DOP1B: variants seen among roughly 807,000 people sequenced by gnomAD.
The protein encoded by DOP1B is protein DOP1B.
In DOP1B, 174 loss-of-function variants were observed where a neutral mutation model predicts 233.5. The ratio of observed to expected loss-of-function variants is 0.75; its 90% CI spans 0.66 to 0.85. The LOEUF (loss-of-function observed/expected upper bound fraction) is 0.85. DOP1B is among the 40% of genes least tolerant of loss of function. The pLI is 0.00. For synonymous variants in DOP1B, 1,190 were observed against 1,185.6 expected, an observed-to-expected ratio of 1.00 and a Z score of -0.08; for missense variants, 2,652 against 2,846.6, an observed-to-expected ratio of 0.93 and a Z score of 1.56.
intron 2 of DOP1B, among the ~76,000 whole-genome samples, chr21:36,176,103 T>TGTGTGTGTGTGTGTGC (rs1555886166): frequency 1.2e-4 from 17 of 142,038 alleles, no homozygotes; most frequent in South Asian, 2.2e-4. Context: ...TGTGCGTGTG[T>TGTGTGTGTGTGTGTGC]GTGTGTGTGT....
At chr21:36,206,074 G>A (rs1051988250) in intron 4 of DOP1B, among the ~76,000 whole-genome samples, 5 of 151,750 alleles carry the variant, frequency 3.3e-5, no homozygotes, top group Non-Finnish European at 7.4e-5. Context: ...TTTAACAACC[G>A]AGATGATCAT....
chr21:36,278,210 G>A lies in DOP1B; in HGVS notation c.5824G>A (p.Ala1942Thr). 1 of 1,613,988 alleles carries A rather than the reference G, an allele frequency of 6.2e-7. No individual in the cohort carries two copies. The highest frequency in any genetic ancestry group is 1.1e-5 in the South Asian group (1 of 91,042). The stretch of plus-strand genomic sequence containing the variant: ...TTCTCTCTTCCCACTCCCACTCAGT[G>A]CCTACAATGCTCCCAGCTTCCGGGC... ...YVFPYLRNHS[A>T]YNAPSFRAGA... Residue 1942 changes from alanine to threonine, a missense_variant and splice_region_variant, in exon 30 of 37, where the codon GCC becomes ACC. Physicochemically the swap from Ala to Thr is moderately conservative, Grantham distance 58. Around this residue, in one of 3 missense-constraint regions of DOP1B, gnomAD observed 2,617 missense variants for 2,794.3 expected, o/e 0.94. Coordinates refer to ENST00000691173, the MANE Select transcript of DOP1B (RefSeq NM_001320714.2).
chr21:36,260,622 C>T, intron 23 of DOP1B, 55 bp from the exon 24 acceptor site: 2 of 1,608,864 alleles, frequency 1.2e-6, no homozygotes, highest in Admixed American at 3.4e-5. Flanking sequence ...TATCTGAATT[C>T]TTTTAGCCTT....
chr21:36,269,546 A>T (rs982720690), intron 26 of DOP1B, among the ~76,000 whole-genome samples: 8 of 151,974 alleles, frequency 5.3e-5, no homozygotes, highest in African/African-American at 1.9e-4. Context: ...TTTGAAACGA[A>T]GTCTCACTCT....
At chr21:36,211,896 A>T in intron 6 of DOP1B, 78 bp from the exon 7 acceptor site, 1 of 1,594,576 alleles carries the variant, frequency 6.3e-7, no homozygotes, top group Non-Finnish European at 8.6e-7. Context: ...GCAGACCAGC[A>T]AGGAAGGGCT....
At chr21:36,192,846 C>A (rs1030651997) in intron 2 of DOP1B, among the ~76,000 whole-genome samples, 1 of 146,610 alleles carries the variant, frequency 6.8e-6, no homozygotes, top group Non-Finnish European at 1.5e-5. Context: ...CGCCACCACG[C>A]CCGGCTAATT....
At chr21:36,169,780 C>T in intron 2 of DOP1B, 2 of 1,262,516 alleles carry the variant, frequency 1.6e-6, no homozygotes, top group Non-Finnish European at 2.3e-6. Context: ...CCATTTCTTG[C>T]AGTACTTGGT....
At chr21:36,278,892 G>T (rs2067384091) in intron 30 of DOP1B, among the ~76,000 whole-genome samples, 1 of 151,456 alleles carries the variant, frequency 6.6e-6, no homozygotes, top group African/African-American at 2.4e-5. Flanking sequence ...AGCAGAACTT[G>T]GGGTTCCAGT....
Position 36,247,529 on chromosome 21 carries a change from GA to G in DOP1B, c.4711del (p.Arg1571GlyfsTer13). The G allele has an allele frequency of 6.2e-7, 1 of 1,603,674 alleles. No individual in the cohort carries two copies. On this transcript the variant is annotated frameshift_variant, in exon 20 of 37. Transcript: ENST00000691173. LOFTEE classifies it high-confidence loss of function. ...VKLSVSTTSK[R>X]ENISPDYPLT... ...TTCTTCACCACAGCACAACCTCCAA[GA>G]GGGAAAACATTTCTCCAGATTATCC...
rs780255286 is a variant in DOP1B at position 36,245,573 on chromosome 21, C to T, written c.3593C>T (p.Ala1198Val). The T allele has an allele frequency of 5.6e-6, 9 of 1,613,232 alleles. No individual in the cohort carries two copies. The highest frequency in any genetic ancestry group is 3.3e-5 in the Admixed American group (2 of 59,992). ...GAGTCGTTCTCCAGCGACGAGGAGG[C>T]GGACTTGGAGCTCCAGGCCCTCACC... ...ASESFSSDEEADLELQALTTS... is the reference protein window; with the variant it reads ...ASESFSSDEEVDLELQALTTS... Residue 1198 changes from alanine (A) to valine (V), a missense_variant, in exon 19 of 37, where the codon GCG becomes GTG. This residue lies in a region of DOP1B where 2,617 missense variants were observed against 2,794.3 expected (regional missense o/e 0.94). Transcript: ENST00000691173. The surrounding 1 kb of genome is among the most constrained non-coding windows in gnomAD (Gnocchi z 5.5).
At chr21:36,203,342 T>C (rs1357149190) in intron 4 of DOP1B, among the ~76,000 whole-genome samples, 3 of 152,194 alleles carry the variant, frequency 2.0e-5, no homozygotes, top group Admixed American at 6.5e-5. Context: ...GTAATTGAAG[T>C]GACTGTACAA....
chr21:36,247,656 G>A, intron 20 of DOP1B, 28 bp downstream of exon 20: 2 of 1,500,562 alleles, frequency 1.3e-6, no homozygotes, highest in Non-Finnish European at 1.8e-6. Context: ...CTGAGTTCAA[G>A]GCAATTTTCA....
At chr21:36,276,324 A>G (rs539658059) in intron 27 of DOP1B, among the ~76,000 whole-genome samples, 1 of 152,190 alleles carries the variant, frequency 6.6e-6, no homozygotes, top group African/African-American at 2.4e-5. Flanking sequence ...TGAGCCCAGG[A>G]ATTCAAGACC....
chr21:36,158,695 C>G (rs550446345), intron 1 of DOP1B, among the ~76,000 whole-genome samples: 1 of 151,106 alleles, frequency 6.6e-6, no homozygotes, highest in East Asian at 1.9e-4. Context: ...CCCAGCTACT[C>G]GGGAGTCTGA....
chr21:36,277,016 C>T lies in DOP1B; in HGVS notation c.5633-5C>T. On this transcript the variant is annotated splice_region_variant and splice_polypyrimidine_tract_variant and intron_variant, in intron 27 of 36. Coordinates refer to ENST00000691173, the MANE Select transcript of DOP1B (RefSeq NM_001320714.2). The stretch of plus-strand genomic sequence containing the variant: ...TAACATACAAATGGCTCTTTCTGTT[C>T]ACAGATGCTGCTGCAGCTTCAGCAA... The T allele has an allele frequency of 6.2e-7, 1 of 1,613,948 alleles. No individual in the cohort carries two copies. Among genetic ancestry groups the T allele is most frequent in the Non-Finnish European group, 8.5e-7 (1 of 1,179,942 alleles).
intron 35 of DOP1B, among the ~76,000 whole-genome samples, chr21:36,290,748 C>T (rs2067546800): frequency 6.6e-6 from 1 of 151,424 alleles, no homozygotes; most frequent in Non-Finnish European, 1.5e-5. Context: ...CAAGATCATG[C>T]CATCTGCCAT....
intron 2 of DOP1B, chr21:36,169,042 C>T: frequency 3.5e-6 from 3 of 853,338 alleles, no homozygotes. Context: ...CCTCCATGGT[C>T]TGGAAGCGGC....
chr21:36,281,748 G>C, intron 32 of DOP1B, 137 bp downstream of exon 32: 1 of 766,666 alleles, frequency 1.3e-6, no homozygotes. Context: ...CGTCTGGCAA[G>C]GGCCTTCTTG....
rs555553890 is a variant in DOP1B at position 36,239,760 on chromosome 21, T to C, written c.2877-5T>C. On this transcript the variant is annotated splice_polypyrimidine_tract_variant and splice_region_variant and intron_variant, in intron 17 of 36. Coordinates refer to ENST00000691173, the MANE Select transcript of DOP1B (RefSeq NM_001320714.2). Reference sequence around the variant, plus strand: ...GTGAACTCACTGGTGTGTTTCCCACTGCAGGTCCTTGTTTGTCGTGCTGGA... The same window carrying C: ...GTGAACTCACTGGTGTGTTTCCCACCGCAGGTCCTTGTTTGTCGTGCTGGA... 1.4e-5 allele frequency: 22 copies of C among 1,530,354 alleles called. No homozygotes were observed. The East Asian group carries it at 5.2e-4, about 36-fold the overall frequency. 94.8% of individuals were successfully genotyped at this position (1,530,354 alleles called of 1,614,324 possible). A position where few individuals can be genotyped will look rare whatever the true frequency, so the allele number is the denominator to read the frequency against.
Sources: allele counts gnomAD v4.1 joint callset (sites outside exome capture counted in the v4.1 genomes callset), GRCh38; gene constraint gnomAD v4.1.1; regional missense constraint gnomAD v4.1.1; non-coding constraint Gnocchi (gnomAD v3.1); transcripts MANE v1.5; gene names NCBI Gene and HGNC (gene_info 2026-07-23, HGNC 2026-07-21).